STOX2: variants seen among roughly 807,000 people sequenced by gnomAD.
The protein encoded by STOX2 is storkhead box 2, also known as storkhead-box protein 2.
STOX2 carries 28 observed loss-of-function variants against 60.9 expected under a neutral mutation model. The observed-to-expected ratio is 0.46, with a 90% CI of 0.34 to 0.63. STOX2 has a LOEUF of 0.63. STOX2 is among the 30% of genes least tolerant of loss of function. The pLI, the probability that STOX2 is intolerant of heterozygous loss-of-function variation, is 0.01. For synonymous variants in STOX2, 472 were observed against 463.9 expected (o/e 1.02, Z -0.22); for missense variants, 1,024 against 1,187.7 (o/e 0.86, Z 2.03).
chr4:183,829,195 T>C (rs1739511190), intron 1 of STOX2, among the ~76,000 whole-genome samples: 1 of 152,240 alleles, frequency 6.6e-6, no homozygotes, highest in African/African-American at 2.4e-5. Flanking sequence ...TCTTTTTCTT[T>C]GATGAGAGAA....
intron 1 of STOX2, among the ~76,000 whole-genome samples, chr4:183,944,266 G>A (rs1284907087): frequency 6.6e-6 from 1 of 152,190 alleles, no homozygotes; most frequent in Non-Finnish European, 1.5e-5. Flanking sequence ...TCCATGTCCT[G>A]GGAAACATGT....
In STOX2 at chr4:184,017,259, T is replaced by C; in HGVS notation, c.2756T>C (p.Leu919Ser). The change falls in exon 4 of 4, where the codon TTG becomes TCG. Residue 919 changes from leucine to serine, a missense_variant. Leu to Ser is a moderately radical substitution (Grantham distance 145, BLOSUM62 -2). Transcript: ENST00000308497. ...AAGCTACAGAAACCTTCCAACTGCT[T>C]GCAAGCTTCTGTTACTAGCGTGTGA... ...AEKLQKPSNC[L>S]QASVTSV 2 of 1,600,262 alleles carry C rather than the reference T, an allele frequency of 1.2e-6. No homozygotes were observed. The highest frequency in any genetic ancestry group is 1.7e-6 in the Non-Finnish European group (2 of 1,173,154).
chr4:183,846,071 T>C (rs1739983183), intron 1 of STOX2, among the ~76,000 whole-genome samples: 1 of 152,240 alleles, frequency 6.6e-6, no homozygotes, highest in African/African-American at 2.4e-5. Flanking sequence ...GATAGTTTGC[T>C]GAATATAAAA....
chr4:184,000,630 C>T lies in STOX2; in HGVS notation c.167-695C>T, dbSNP rs532222209. ...AACATCTGCTTATAGGTCCCAGCCCCGCAGGGACACACCTACTCTTGAACA... is the reference window on the plus strand; with the variant it reads ...AACATCTGCTTATAGGTCCCAGCCCTGCAGGGACACACCTACTCTTGAACA... On this transcript the variant is annotated intron_variant, in intron 1 of 3. Coordinates refer to ENST00000308497, the MANE Select transcript of STOX2 (RefSeq NM_020225.3). 9.5e-4 allele frequency among the ~76,000 whole-genome samples: 144 copies of T among 152,302 alleles called. 1 individual carries two copies. Among genetic ancestry groups the T allele is most frequent in the African/African-American group, 3.1e-3 (128 of 41,566 alleles).
intron 1 of STOX2, among the ~76,000 whole-genome samples, chr4:183,837,585 C>T (rs1020664812): frequency 6.6e-6 from 1 of 151,716 alleles, no homozygotes; most frequent in Non-Finnish European, 1.5e-5. Flanking sequence ...CAGCCTCCCA[C>T]GTAGCTGGGA....
chr4:183,908,162 G>A (rs939456557), intron 1 of STOX2, among the ~76,000 whole-genome samples: 3 of 152,162 alleles, frequency 2.0e-5, no homozygotes, highest in African/African-American at 7.2e-5. Flanking sequence ...TTATTGCAAA[G>A]TCAGGCGACA....
chr4:183,873,675 G>T (rs1368159503), intron 1 of STOX2, among the ~76,000 whole-genome samples: 6 of 152,204 alleles, frequency 3.9e-5, no homozygotes, highest in Non-Finnish European at 7.3e-5. Context: ...AAACCGGGAA[G>T]TGAGACAATG....
At chr4:183,860,435 C>CAAAAAAAAAAAAAAAAAAAAAAAA (rs1381359815) in intron 1 of STOX2, among the ~76,000 whole-genome samples, 2 of 19,020 alleles carry the variant, frequency 1.1e-4, no homozygotes, top group Non-Finnish European at 2.2e-4. Context: ...AAACAAAAAA[C>CAAAAAAAAAAAAAAAAAAAAAAAA]AAAAAACAAA....
chr4:183,838,992 C>A (rs912448530), intron 1 of STOX2, among the ~76,000 whole-genome samples: 1 of 151,940 alleles, frequency 6.6e-6, no homozygotes, highest in Non-Finnish European at 1.5e-5. Context: ...GATGTGTGTA[C>A]ACACACACAG....
chr4:183,816,547 T>C (rs1739158473), intron 1 of STOX2, among the ~76,000 whole-genome samples: 1 of 152,166 alleles, frequency 6.6e-6, no homozygotes, highest in African/African-American at 2.4e-5. Context: ...TTGAGTACTG[T>C]ATTCACTATT....
At chr4:183,985,518 CTTT>C in intron 1 of STOX2, among the ~76,000 whole-genome samples, 1 of 152,174 alleles carries the variant, frequency 6.6e-6, no homozygotes, top group African/African-American at 2.4e-5. Context: ...CAGTACTTAA[CTTT>C]CAGAGTCCTT....
chr4:183,810,540 G>A (rs1739011302), intron 1 of STOX2, among the ~76,000 whole-genome samples: 1 of 152,180 alleles, frequency 6.6e-6, no homozygotes, highest in South Asian at 2.1e-4. Flanking sequence ...CAGGGGTGCT[G>A]TGGTTTAAAT....
At position 183,906,751 on chromosome 4, in the gene STOX2, G is replaced by T; in HGVS notation, c.-40G>T. On this transcript the variant is annotated 5_prime_UTR_variant, in exon 1 of 4. It removes the in-frame stop codon of an upstream open reading frame in the 5' UTR. Coordinates refer to ENST00000308497, the MANE Select transcript of STOX2 (RefSeq NM_020225.3). ...AAGGAGCGCGCTGCGCCCCGGCGCT[G>T]AGGCCCCGAGGATCGGGGCGGCAGG... The T allele has an allele frequency of 6.8e-7, 1 of 1,477,260 alleles. No homozygotes were observed. 91.5% of individuals were successfully genotyped at this position (1,477,260 alleles called of 1,614,324 possible). A position where few individuals can be genotyped will look rare whatever the true frequency, so the allele number is the denominator to read the frequency against.
chr4:183,840,928 C>T (rs576023939), intron 1 of STOX2, among the ~76,000 whole-genome samples: 4 of 152,128 alleles, frequency 2.6e-5, no homozygotes, highest in Admixed American at 2.0e-4. Context: ...AGTGCTGTGG[C>T]GGGATCTCAG....
intron 1 of STOX2, among the ~76,000 whole-genome samples, chr4:183,896,979 T>C (rs1221549707): frequency 6.6e-6 from 1 of 152,200 alleles, no homozygotes; most frequent in Non-Finnish European, 1.5e-5. Context: ...CATGAAGCAG[T>C]TCACAAAGAC....
At chr4:183,951,041 C>T (rs1366004850) in intron 1 of STOX2, among the ~76,000 whole-genome samples, 2 of 151,836 alleles carry the variant, frequency 1.3e-5, no homozygotes, top group African/African-American at 4.8e-5. Flanking sequence ...CGGTGAAACC[C>T]CGTCTCTACT....
In STOX2 at chr4:184,009,571, A is replaced by C; in HGVS notation, c.733A>C (p.Asn245His). 6.2e-7 allele frequency: 1 copy of C among 1,613,894 alleles called. No homozygotes were observed. The highest frequency in any genetic ancestry group is 8.5e-7 in the Non-Finnish European group (1 of 1,179,838). Reference sequence around the variant, plus strand: ...CACTGAAAAGAGCAAAAGTACTGTAAATTTTTCCTATAAGACAGAAACTCT... The same window carrying C: ...CACTGAAAAGAGCAAAAGTACTGTACATTTTTCCTATAAGACAGAAACTCT... ...PPTEKSKSTVNFSYKTETLSK... is the reference protein window; with the variant it reads ...PPTEKSKSTVHFSYKTETLSK... Residue 245 changes from asparagine (N) to histidine (H), a missense_variant, in exon 3 of 4, where the codon AAT (asparagine) becomes CAT (histidine). Physicochemically the swap from Asn to His is moderately conservative, Grantham distance 68 (BLOSUM62 1). Transcript: ENST00000308497. This position sits in a 1 kb window ranked among gnomAD's most constrained non-coding sequence, Gnocchi z 4.0.
At chr4:183,945,648 T>G (rs1049513026) in intron 1 of STOX2, among the ~76,000 whole-genome samples, 1 of 152,180 alleles carries the variant, frequency 6.6e-6, no homozygotes, top group Non-Finnish European at 1.5e-5. Context: ...GTTCCATTTG[T>G]TGAGGGATTA....
At chr4:183,810,879 T>C (rs766171413) in intron 1 of STOX2, among the ~76,000 whole-genome samples, 3 of 152,090 alleles carry the variant, frequency 2.0e-5, no homozygotes, top group Admixed American at 1.3e-4. Context: ...TATTCTGTTA[T>C]AGCAGCACAA....
Sources: allele counts gnomAD v4.1 joint callset (sites outside exome capture counted in the v4.1 genomes callset), GRCh38; gene constraint gnomAD v4.1.1; non-coding constraint Gnocchi (gnomAD v3.1); transcripts MANE v1.5; gene names NCBI Gene and HGNC (gene_info 2026-07-23, HGNC 2026-07-21).